Variants in CTSO observed in about 807,000 individuals in gnomAD.
CTSO encodes the protein cathepsin O.
A neutral mutation model predicts 42.4 loss-of-function variants in CTSO; 40 were observed. The observed-to-expected ratio is 0.94, with a 90% CI of 0.73 to 1.23. CTSO has a LOEUF of 1.23. Among genes scored for constraint, CTSO ranks in the 50% most tolerant of loss-of-function variants. The pLI is 0.00. For synonymous variants in CTSO, 156 were observed against 146.2 expected, an observed-to-expected ratio of 1.07 and a Z score of -0.48; for missense variants, 441 against 396.0, an observed-to-expected ratio of 1.11 and a Z score of -0.96.
chr4:155,951,312 C>A lies in CTSO; in HGVS notation c.135+2401G>T, dbSNP rs112691059. The stretch of plus-strand genomic sequence containing the variant: ...TGTTCTGTGGTAAAATAATGAGCAT[C>A]AGTAAATATGAGGGCATAGCTAGGT... On this transcript the variant is annotated intron_variant, in intron 1 of 7. Coordinates refer to ENST00000433477, the MANE Select transcript of CTSO (RefSeq NM_001334.3). 1.8e-3 allele frequency among the ~76,000 whole-genome samples: 268 copies of A among 152,190 alleles called. 1 individual carries two copies. Among genetic ancestry groups the A allele is most frequent in the South Asian group, 3.5e-3 (17 of 4,826 alleles).
In CTSO at chr4:155,944,117, C is replaced by T. The variant is rs531886708; in HGVS notation, c.136-853G>A. ...ATGATGACTGCTTATATGTCTTATT[C>T]CTTATGGTGAGACACTCACTTAGCA... On this transcript the variant is annotated intron_variant, in intron 1 of 7. Transcript: ENST00000433477. Among the ~76,000 whole-genome samples the T allele has an allele frequency of 6.6e-5, 10 of 152,180 alleles. No individual in the cohort carries two copies. In the South Asian group the frequency reaches 2.1e-3, roughly 32 times the overall value.
intron 1 of CTSO, 129 bp downstream of exon 1, chr4:155,953,584 C>G (rs908602621): frequency 1.4e-5 from 16 of 1,133,674 alleles, no homozygotes; most frequent in Non-Finnish European, 1.8e-5. Context: ...GCTCAGGGCC[C>G]CAGACGCATC....
Position 155,925,514 on chromosome 4 carries a change from T to C in CTSO, c.*522A>G, listed in dbSNP as rs568408490. 1.3e-5 allele frequency: 2 copies of C among 152,700 alleles called. No individual in the cohort carries two copies. The highest frequency in any genetic ancestry group is 3.9e-4 in the East Asian group (2 of 5,194). The allele number at this position is 152,700 out of a possible 1,614,324, so 9.5% of individuals were successfully genotyped here. A position where few individuals can be genotyped will look rare whatever the true frequency, so the allele number is the denominator to read the frequency against. The stretch of plus-strand genomic sequence containing the variant: ...TTTGTTCAGGTAAAGCAATTGGTGT[T>C]TGAAATCCTTCCGATAGATACGCCA... On this transcript the variant is annotated 3_prime_UTR_variant, in exon 8 of 8. Coordinates refer to ENST00000433477, the MANE Select transcript of CTSO (RefSeq NM_001334.3).
intron 4 of CTSO, among the ~76,000 whole-genome samples, 161 bp downstream of exon 4, chr4:155,939,210 A>G (rs1743383625): frequency 6.6e-6 from 1 of 152,146 alleles, no homozygotes; most frequent in South Asian, 2.1e-4. Context: ...GAAGTGATTC[A>G]TTTTTAAATA....
intron 5 of CTSO, among the ~76,000 whole-genome samples, chr4:155,933,582 T>C (rs1186460558): frequency 6.6e-6 from 1 of 152,168 alleles, no homozygotes; most frequent in Non-Finnish European, 1.5e-5. Context: ...AGTTTGGAAC[T>C]TCCTAGAGAC....
chr4:155,928,977 G>A (rs139724855), intron 6 of CTSO, among the ~76,000 whole-genome samples: 2,194 of 152,202 alleles, frequency 0.014, 49 homozygotes, highest in African/African-American at 0.049. Flanking sequence ...TGGCCATGAC[G>A]CCCACGCTGG....
At chr4:155,929,768 T>C in intron 5 of CTSO, 63 bp from the exon 6 acceptor site, 3 of 1,465,954 alleles carry the variant, frequency 2.0e-6, no homozygotes, top group Non-Finnish European at 2.8e-6. Context: ...AACAATGATC[T>C]ATATAATCTG....
chr4:155,942,352 T>C lies in CTSO; in HGVS notation c.349A>G (p.Lys117Glu). 1.3e-6 allele frequency: 2 copies of C among 1,588,394 alleles called. No homozygotes were observed. The highest frequency in any genetic ancestry group is 1.7e-6 in the Non-Finnish European group (2 of 1,168,842). Residue 117 changes from lysine to glutamate, a missense_variant, in exon 3 of 8, where the codon AAG becomes GAG. Transcript: ENST00000433477. ...TTTCTCACTTGTGTCACAACCTGCTTGTCCCTCCAGTCAAATCTTAACGGC... is the reference window on the plus strand; with the variant it reads ...TTTCTCACTTGTGTCACAACCTGCTCGTCCCTCCAGTCAAATCTTAACGGC... ...SLPLRFDWRDKQVVTQVRNQQ... is the reference protein window; with the variant it reads ...SLPLRFDWRDEQVVTQVRNQQ...
intron 4 of CTSO, among the ~76,000 whole-genome samples, chr4:155,938,411 AT>A (rs1317097750): frequency 1.3e-5 from 2 of 152,172 alleles, no homozygotes; most frequent in African/African-American, 2.4e-5. Context: ...CTCTGGTTTG[AT>A]GACGTTCTAC....
intron 5 of CTSO, among the ~76,000 whole-genome samples, chr4:155,934,176 C>T (rs1044653009): frequency 6.6e-6 from 1 of 152,196 alleles, no homozygotes; most frequent in Non-Finnish European, 1.5e-5. Context: ...TCAGATGCTC[C>T]AGCCATGGCT....
At chr4:155,952,015 C>T (rs560718967) in intron 1 of CTSO, among the ~76,000 whole-genome samples, 4 of 152,088 alleles carry the variant, frequency 2.6e-5, no homozygotes, top group Non-Finnish European at 5.9e-5. Flanking sequence ...GGATAAAGTC[C>T]AACTAAGCAC....
chr4:155,926,985 A>G (rs114563687), intron 7 of CTSO, among the ~76,000 whole-genome samples: 1 of 152,362 alleles, frequency 6.6e-6, no homozygotes, highest in African/African-American at 2.4e-5. Flanking sequence ...AATGATTAGC[A>G]TCAGTCATTT....
chr4:155,928,088 T>C (rs1038711901), intron 7 of CTSO, among the ~76,000 whole-genome samples: 2 of 152,148 alleles, frequency 1.3e-5, no homozygotes, highest in African/African-American at 4.8e-5. Flanking sequence ...TTAACCTTGG[T>C]AAATTATTAC....
In CTSO at chr4:155,925,261, G is replaced by A. The variant is rs1378444878; in HGVS notation, c.*775C>T. ...TATTTTGGTATTTTGATATACTAGAGAACAAAATATTATTCTATAGTATAA... is the reference window on the plus strand; with the variant it reads ...TATTTTGGTATTTTGATATACTAGAAAACAAAATATTATTCTATAGTATAA... On this transcript the variant is annotated 3_prime_UTR_variant, in exon 8 of 8. Coordinates refer to ENST00000433477, the MANE Select transcript of CTSO (RefSeq NM_001334.3). The A allele has an allele frequency of 6.6e-6, 1 of 152,022 alleles. No homozygotes were observed. 9.4% of individuals were successfully genotyped at this position (152,022 alleles called of 1,614,324 possible).
chr4:155,950,773 A>G (rs1455507656), intron 1 of CTSO, among the ~76,000 whole-genome samples: 1 of 151,980 alleles, frequency 6.6e-6, no homozygotes. Context: ...TAGTTTGCAC[A>G]GTCCTTATGT....
intron 5 of CTSO, among the ~76,000 whole-genome samples, chr4:155,933,195 G>A (rs1357222947): frequency 1.3e-5 from 2 of 152,034 alleles, no homozygotes; most frequent in African/African-American, 2.4e-5. Flanking sequence ...GAATCATGGG[G>A]GCCAGTCTTT....
intron 6 of CTSO, among the ~76,000 whole-genome samples, chr4:155,928,665 G>C (rs1327015914): frequency 6.6e-6 from 1 of 151,424 alleles, no homozygotes; most frequent in African/African-American, 2.4e-5. Context: ...CTTTATACAG[G>C]GACTGCATAA....
intron 7 of CTSO, 119 bp from the exon 8 acceptor site, chr4:155,926,189 G>T: frequency 1.6e-6 from 1 of 641,970 alleles, no homozygotes; most frequent in Non-Finnish European, 2.7e-6. Flanking sequence ...ATAATGTAAT[G>T]CTTATCACAG....
chr4:155,925,703 AC>A lies in CTSO; in HGVS notation c.*332del, dbSNP rs1318455782. On this transcript the variant is annotated 3_prime_UTR_variant, in exon 8 of 8. Coordinates refer to ENST00000433477, the MANE Select transcript of CTSO (RefSeq NM_001334.3). Reference sequence around the variant, plus strand: ...ACCTGAAATATCTCACAATAAACAAACAAATAAATAATAAGCAAACAAAAAC... The same window carrying A: ...ACCTGAAATATCTCACAATAAACAAAAAATAAATAATAAGCAAACAAAAAC... The A allele has an allele frequency of 1.0e-5, 3 of 292,560 alleles. No individual in the cohort carries two copies. The highest frequency in any genetic ancestry group is 1.9e-5 in the Non-Finnish European group (3 of 161,030). The allele number at this position is 292,560 out of a possible 1,614,324, so 18.1% of individuals were successfully genotyped here. A position where few individuals can be genotyped will look rare whatever the true frequency, so the allele number is the denominator to read the frequency against.
Sources: gnomAD v4.1 joint callset for allele counts (sites outside exome capture counted in the v4.1 genomes callset) on GRCh38, gnomAD v4.1.1 for gene constraint, MANE v1.5 for transcripts, NCBI Gene and HGNC (gene_info 2026-07-23, HGNC 2026-07-21) for gene names.